Variants in LPP observed in about 807,000 individuals in gnomAD.
LPP encodes LIM domain containing preferred translocation partner in lipoma, also known as lipoma-preferred partner.
LPP carries 38 observed loss-of-function variants against 60.4 expected under a neutral mutation model. The ratio of observed to expected loss-of-function variants is 0.63; its 90% CI spans 0.49 to 0.83. LPP has a LOEUF of 0.83. Ranked by LOEUF, LPP falls within the 40% of genes least tolerant of loss-of-function variation. LPP has a pLI of 0.00. For synonymous variants in LPP, 328 were observed against 290.8 expected (o/e 1.13, Z -1.30); for missense variants, 902 against 783.6 (o/e 1.15, Z -1.80).
intron 2 of LPP, among the ~76,000 whole-genome samples, chr3:188,298,199 C>T (rs1350702022): frequency 6.6e-6 from 1 of 152,138 alleles, no homozygotes; most frequent in Admixed American, 6.5e-5. Context: ...CTGATACGAT[C>T]CTAATAGGAT....
At chr3:188,369,185 C>A in intron 3 of LPP, among the ~76,000 whole-genome samples, 1 of 152,106 alleles carries the variant, frequency 6.6e-6, no homozygotes, top group East Asian at 1.9e-4. Flanking sequence ...CAAGGTAGAT[C>A]TTTCTTTCTG....
chr3:188,465,324 A>G (rs1291063418), intron 4 of LPP, among the ~76,000 whole-genome samples: 1 of 152,094 alleles, frequency 6.6e-6, no homozygotes. Flanking sequence ...AATATGAGAA[A>G]TTCCGCAATG....
intron 3 of LPP, among the ~76,000 whole-genome samples, chr3:188,390,504 G>C (rs1323867449): frequency 6.6e-6 from 1 of 151,614 alleles, no homozygotes; most frequent in East Asian, 1.9e-4. Context: ...CAGGATTGTT[G>C]TCTCCATTTT....
chr3:188,470,281 T>G, intron 4 of LPP, among the ~76,000 whole-genome samples: 1 of 126,866 alleles, frequency 7.9e-6, no homozygotes, highest in East Asian at 2.8e-4. Flanking sequence ...CTCTCTCTCA[T>G]ACACACACAC....
chr3:188,452,348 T>C (rs374377433), intron 4 of LPP, among the ~76,000 whole-genome samples: 17 of 152,292 alleles, frequency 1.1e-4, no homozygotes, highest in African/African-American at 4.1e-4. Flanking sequence ...GCTCTGAGCA[T>C]GTTGTGCGGC....
At chr3:188,800,632 T>C (rs1205835704) in intron 9 of LPP, among the ~76,000 whole-genome samples, 1 of 152,158 alleles carries the variant, frequency 6.6e-6, no homozygotes, top group Non-Finnish European at 1.5e-5. Flanking sequence ...CTGAAATAGC[T>C]CTCCAAAAGT....
intron 8 of LPP, among the ~76,000 whole-genome samples, chr3:188,729,598 AG>A (rs919109475): frequency 3.1e-4 from 47 of 152,208 alleles, no homozygotes; most frequent in Non-Finnish European, 5.6e-4. Flanking sequence ...GGAAGTGCCT[AG>A]GTATGCAGAA....
intron 4 of LPP, among the ~76,000 whole-genome samples, chr3:188,473,008 G>A (rs1802241890): frequency 6.6e-6 from 1 of 151,998 alleles, no homozygotes; most frequent in African/African-American, 2.4e-5. Context: ...GCCTGGTGTG[G>A]TTCTACATTC....
chr3:188,480,081 A>G (rs770453528), intron 4 of LPP, among the ~76,000 whole-genome samples: 1 of 152,194 alleles, frequency 6.6e-6, no homozygotes, highest in Non-Finnish European at 1.5e-5. Context: ...CCAGCTAACC[A>G]TCCCTGCTTC....
At chr3:188,267,804 G>A (rs554141082) in intron 2 of LPP, among the ~76,000 whole-genome samples, 109 of 152,196 alleles carry the variant, frequency 7.2e-4, no homozygotes, top group Non-Finnish European at 1.2e-3. Flanking sequence ...GCTCACTTTA[G>A]ATGATTCTTC....
intron 2 of LPP, among the ~76,000 whole-genome samples, chr3:188,240,378 A>T (rs531231896): frequency 1.9e-3 from 261 of 135,032 alleles, no homozygotes; most frequent in East Asian, 8.0e-3. Context: ...TGTGTGTGTG[A>T]GAGAGAGACA....
At chr3:188,203,629 A>ATTAATATATATAAATATATAT (rs1241731890) in intron 1 of LPP, among the ~76,000 whole-genome samples, 1 of 108,304 alleles carries the variant, frequency 9.2e-6, no homozygotes, top group African/African-American at 3.3e-5. Context: ...ATATATACAT[A>ATTAATATATATAAATATATAT]TCAAATATGT....
chr3:188,647,095 A>G (rs1353246687), intron 7 of LPP, among the ~76,000 whole-genome samples: 1 of 152,242 alleles, frequency 6.6e-6, no homozygotes, highest in Non-Finnish European at 1.5e-5. Context: ...TCTTCTTAAC[A>G]GTTGGAACCC....
intron 9 of LPP, among the ~76,000 whole-genome samples, chr3:188,765,991 C>T (rs1733977744): frequency 1.3e-5 from 2 of 149,838 alleles, no homozygotes; most frequent in African/African-American, 4.9e-5. Context: ...CTGCCTTAGC[C>T]TCCTGAGTAG....
chr3:188,531,055 T>G (rs1056879271), intron 6 of LPP, among the ~76,000 whole-genome samples: 7 of 152,088 alleles, frequency 4.6e-5, no homozygotes, highest in African/African-American at 1.7e-4. Context: ...CCAAGTAAGT[T>G]TGGTAGGATT....
intron 2 of LPP, among the ~76,000 whole-genome samples, chr3:188,236,860 G>T (rs1722102121): frequency 6.6e-6 from 1 of 152,144 alleles, no homozygotes; most frequent in Non-Finnish European, 1.5e-5. Context: ...AGTTGGGGTG[G>T]CTGTGGCAAT....
chr3:188,790,242 A>G (rs571012444), intron 9 of LPP, among the ~76,000 whole-genome samples: 1 of 152,182 alleles, frequency 6.6e-6, no homozygotes, highest in Non-Finnish European at 1.5e-5. Context: ...CTTAAAAACT[A>G]TTTTAGGAAA....
At chr3:188,513,807 G>A (rs1485228625) in intron 5 of LPP, among the ~76,000 whole-genome samples, 1 of 152,066 alleles carries the variant, frequency 6.6e-6, no homozygotes, top group African/African-American at 2.4e-5. Context: ...CTTTAACCAT[G>A]ACCCTGCCCT....
chr3:188,879,016 T>A lies in LPP; in HGVS notation c.*4537T>A, dbSNP rs940990371. 1.3e-4 allele frequency: 30 copies of A among 228,272 alleles called. No homozygotes were observed. The highest frequency in any genetic ancestry group is 6.7e-4 in the African/African-American group (30 of 45,086). The allele number at this position is 228,272 out of a possible 1,614,324, so 14.1% of individuals were successfully genotyped here. A position where few individuals can be genotyped will look rare whatever the true frequency, so the allele number is the denominator to read the frequency against. On this transcript the variant is annotated 3_prime_UTR_variant, in exon 12 of 12. Transcript: ENST00000617246. Reference sequence around the variant, plus strand: ...ACCACCATTCAGCATATTTTTTAATTGTCTTCATTGTATTTGCTTAATAGT... The same window carrying A: ...ACCACCATTCAGCATATTTTTTAATAGTCTTCATTGTATTTGCTTAATAGT...
Sources: allele counts gnomAD v4.1 joint callset (sites outside exome capture counted in the v4.1 genomes callset), GRCh38; gene constraint gnomAD v4.1.1; transcripts MANE v1.5; gene names NCBI Gene and HGNC (gene_info 2026-07-23, HGNC 2026-07-21).